PTK2: variants seen among roughly 807,000 people sequenced by gnomAD.
The protein encoded by PTK2 is protein tyrosine kinase 2, also known as focal adhesion kinase 1.
Under a neutral mutation model 150.1 loss-of-function variants are expected in PTK2, and 45 were observed. The observed-to-expected ratio is 0.30, with a 90% CI of 0.24 to 0.38. The LOEUF is 0.38. Among genes scored for constraint, PTK2 ranks in the 10% least tolerant of loss-of-function variants. The probability of loss-of-function intolerance (pLI) is 1.00; values close to 1 mark genes in which losing one functional copy is unlikely to be tolerated. For missense variants in PTK2, 919 were observed against 1,307.3 expected (o/e 0.70, Z 4.58); for synonymous variants, 432 against 449.2 (o/e 0.96, Z 0.48).
At chr8:140,695,233 C>T (rs555934436) in intron 26 of PTK2, among the ~76,000 whole-genome samples, 1 of 152,110 alleles carries the variant, frequency 6.6e-6, no homozygotes, top group Non-Finnish European at 1.5e-5. Context: ...ACCTCCTATA[C>T]CAATTCACCA....
intron 27 of PTK2, among the ~76,000 whole-genome samples, chr8:140,680,878 G>A (rs191387902): frequency 6.6e-6 from 1 of 152,290 alleles, no homozygotes; most frequent in African/African-American, 2.4e-5. Context: ...TAAGGTAAGT[G>A]TTGACAGTTG....
chr8:140,703,145 G>A (rs953374815), intron 24 of PTK2, among the ~76,000 whole-genome samples: 5 of 152,134 alleles, frequency 3.3e-5, no homozygotes, highest in Admixed American at 2.0e-4. Flanking sequence ...GGAGTAGCCT[G>A]TAGTCCCAGC....
At chr8:140,772,033 C>A (rs535064244) in intron 14 of PTK2, among the ~76,000 whole-genome samples, 1 of 151,882 alleles carries the variant, frequency 6.6e-6, no homozygotes, top group African/African-American at 2.4e-5. Context: ...AGGTGATCTG[C>A]GCACACTGGC....
intron 23 of PTK2, among the ~76,000 whole-genome samples, chr8:140,713,324 G>A (rs1268521968): frequency 2.6e-5 from 4 of 152,222 alleles, no homozygotes; most frequent in Middle Eastern, 3.4e-3. Flanking sequence ...GCAGTGGCGC[G>A]ATCTCAGCTC....
At chr8:140,908,311 T>C (rs1013068821) in intron 2 of PTK2, among the ~76,000 whole-genome samples, 4 of 151,978 alleles carry the variant, frequency 2.6e-5, no homozygotes, top group Non-Finnish European at 4.4e-5. Context: ...CTAGCAGAGG[T>C]TGGTTCATAA....
intron 5 of PTK2, among the ~76,000 whole-genome samples, chr8:140,863,612 C>T (rs2100137531): frequency 6.6e-6 from 1 of 152,162 alleles, no homozygotes; most frequent in South Asian, 2.1e-4. Context: ...TGATGCTTTT[C>T]AGTGGAGCCA....
exon 24 of PTK2, chr8:140,706,140 C>T (rs2100033607): frequency 6.2e-7 from 1 of 1,611,344 alleles, no homozygotes; most frequent in South Asian, 1.1e-5. Context: ...TGGTTTGTAC[C>T]ATGTGCTGTG....
chr8:140,669,966 T>C (rs1317103643), intron 29 of PTK2: 2 of 547,036 alleles, frequency 3.7e-6, no homozygotes, highest in East Asian at 2.9e-5. Context: ...AGGTCTGCCA[T>C]GCACCATGCT....
intron 2 of PTK2, among the ~76,000 whole-genome samples, chr8:140,895,409 C>G (rs1011707431): frequency 6.6e-6 from 1 of 152,080 alleles, no homozygotes; most frequent in Admixed American, 6.5e-5. Context: ...GTAGTCCCAG[C>G]TCCTTGGGAG....
chr8:140,813,227 T>C (rs2100102658), intron 10 of PTK2, among the ~76,000 whole-genome samples: 1 of 152,054 alleles, frequency 6.6e-6, no homozygotes, highest in Non-Finnish European at 1.5e-5. Context: ...GACTAAGAAA[T>C]TTGCCCAAAA....
At chr8:140,944,500 A>G (rs2100176990) in intron 1 of PTK2, among the ~76,000 whole-genome samples, 1 of 152,200 alleles carries the variant, frequency 6.6e-6, no homozygotes, top group South Asian at 2.1e-4. Flanking sequence ...TAACTTCTCT[A>G]AGCCCAGTTT....
intron 1 of PTK2, among the ~76,000 whole-genome samples, chr8:140,962,274 AGGAAGGGAGGG>A (rs1294581559): frequency 2.4e-5 from 1 of 41,064 alleles, no homozygotes; most frequent in Non-Finnish European, 8.3e-5. Flanking sequence ...GAAGGGAGGG[AGGAAGGGAGGG>A]AGGAAGGGAG....
intron 19 of PTK2, among the ~76,000 whole-genome samples, 195 bp downstream of exon 22, chr8:140,744,457 A>G (rs1392103454): frequency 6.6e-6 from 1 of 152,214 alleles, no homozygotes; most frequent in Admixed American, 6.5e-5. Context: ...ATAGGACATA[A>G]TGCAGCATGA....
At chr8:140,893,904 CT>C (rs2100155071) in intron 2 of PTK2, among the ~76,000 whole-genome samples, 2 of 152,078 alleles carry the variant, frequency 1.3e-5, no homozygotes, top group African/African-American at 4.8e-5. Context: ...TCATACACTG[CT>C]GATGGGAATG....
chr8:140,866,910 C>G (rs993893722), intron 4 of PTK2, among the ~76,000 whole-genome samples: 1 of 152,164 alleles, frequency 6.6e-6, no homozygotes, highest in African/African-American at 2.4e-5. Context: ...GATGGACACT[C>G]TGATATGATG....
intron 27 of PTK2, among the ~76,000 whole-genome samples, chr8:140,676,844 C>T (rs1205452084): frequency 1.5e-5 from 2 of 131,248 alleles, no homozygotes; most frequent in South Asian, 2.5e-4. Context: ...AGGCCTGAGG[C>T]GGGAGAATTG....
intron 23 of PTK2, among the ~76,000 whole-genome samples, chr8:140,713,561 C>T (rs1426255015): frequency 2.6e-5 from 4 of 152,228 alleles, no homozygotes; most frequent in East Asian, 1.9e-4. Context: ...TCTGATGTCA[C>T]GGACCTTTGG....
chr8:140,759,483 ATGATTGTACCACTGTACTCC>A (rs2100067946), intron 16 of PTK2, among the ~76,000 whole-genome samples: 1 of 142,942 alleles, frequency 7.0e-6, no homozygotes, highest in Non-Finnish European at 1.5e-5. Context: ...GCAGAGAGCC[ATGATTGTACCACTGTACTCC>A]CTTGGTGACA....
intron 1 of PTK2, among the ~76,000 whole-genome samples, chr8:140,989,432 G>A (rs912457896): frequency 2.6e-5 from 4 of 150,976 alleles, no homozygotes; most frequent in African/African-American, 4.9e-5. Context: ...GAGACTCAGT[G>A]AAACCGCATG....
Sources: allele counts gnomAD v4.1 joint callset (sites outside exome capture counted in the v4.1 genomes callset), GRCh38; gene constraint gnomAD v4.1.1; transcripts MANE v1.5; gene names NCBI Gene and HGNC (gene_info 2026-07-23, HGNC 2026-07-21).